Variants in MANSC4 observed in about 807,000 individuals in gnomAD.
MANSC4 encodes MANSC domain-containing protein 4.
Under a neutral mutation model 11.4 loss-of-function variants are expected in MANSC4, and 11 were observed. The ratio of observed to expected loss-of-function variants is 0.97; its 90% CI spans 0.61 to 1.60. MANSC4 has a LOEUF of 1.60. MANSC4 is among the 40% of genes most tolerant of loss of function. The pLI, the probability that MANSC4 is intolerant of heterozygous loss-of-function variation, is 0.00. For synonymous variants in MANSC4, 123 were observed against 147.1 expected, an observed-to-expected ratio of 0.84 and a Z score of 1.19; for missense variants, 354 against 404.6, an observed-to-expected ratio of 0.88 and a Z score of 1.07.
At chr12:27,776,233 CAG>C (rs2062119507) in intron 1 of MANSC4, among the ~76,000 whole-genome samples, 1 of 151,800 alleles carries the variant, frequency 6.6e-6, no homozygotes, top group Middle Eastern at 3.2e-3. Context: ...AATATAAAAA[CAG>C]TACTGTAATC....
chr12:27,767,336 C>CACA (rs1283085699), intron 2 of MANSC4, among the ~76,000 whole-genome samples: 5 of 152,144 alleles, frequency 3.3e-5, no homozygotes, highest in Non-Finnish European at 7.4e-5. Flanking sequence ...TTCCATCCCA[C>CACA]ACAGGATATT....
At chr12:27,763,723 G>A (rs1313940344) in intron 3 of MANSC4, among the ~76,000 whole-genome samples, 3 of 151,844 alleles carry the variant, frequency 2.0e-5, no homozygotes, top group East Asian at 3.9e-4. Flanking sequence ...ACAATATAGC[G>A]TTTATTATTT....
At chr12:27,770,019 A>G (rs1037900017) in intron 2 of MANSC4, among the ~76,000 whole-genome samples, 6 of 152,252 alleles carry the variant, frequency 3.9e-5, no homozygotes, top group Non-Finnish European at 8.8e-5. Flanking sequence ...GACAGACAAA[A>G]CATCTATGAG....
At chr12:27,763,638 CT>C (rs1384320770) in intron 3 of MANSC4, among the ~76,000 whole-genome samples, 13 of 152,034 alleles carry the variant, frequency 8.6e-5, no homozygotes, top group African/African-American at 3.1e-4. Context: ...AAGGAGAAGG[CT>C]TTGTGTCTGT....
chr12:27,764,232 G>C (rs1424000136), intron 3 of MANSC4, among the ~76,000 whole-genome samples: 1 of 152,094 alleles, frequency 6.6e-6, no homozygotes, highest in Non-Finnish European at 1.5e-5. Context: ...CTTTATAGGA[G>C]AAGAGAAAAA....
At chr12:27,767,510 C>T (rs1451722659) in intron 2 of MANSC4, among the ~76,000 whole-genome samples, 1 of 151,986 alleles carries the variant, frequency 6.6e-6, no homozygotes, top group East Asian at 1.9e-4. Context: ...TCCAGACCAG[C>T]CTGACCAACA....
rs961562833 is a variant in MANSC4 at position 27,766,129 on chromosome 12, G to A, written c.364+536C>T. Among the ~76,000 whole-genome samples the A allele has an allele frequency of 4.1e-4, 62 of 151,474 alleles. 1 individual carries two copies. The highest frequency in any genetic ancestry group is 1.2e-4 in the Non-Finnish European group (8 of 67,910). On this transcript the variant is annotated intron_variant, in intron 3 of 3. Transcript: ENST00000381273. ...TGTCACCATGCTGGAGTGCAGTGGC[G>A]TGATCTCGGCTCACTGCAATCTCCG...
Position 27,778,225 on chromosome 12 carries a change from C to CAA in MANSC4, c.-307+1983_-307+1984dup, listed in dbSNP as rs34172632. ...GGGCAACAAGAGGGAAACTCTGTCT[C>CAA]AAAAAAAAAAAAAAATGCATTTTTT... On this transcript the variant is annotated intron_variant, in intron 1 of 3. Transcript: ENST00000381273. Among the ~76,000 whole-genome samples the CAA allele has an allele frequency of 8.0e-3, 1,080 of 134,932 alleles. 8 individuals carry two copies. Among genetic ancestry groups the CAA allele is most frequent in the South Asian group, 0.015 (61 of 4,086 alleles). The allele number at this position is 134,932 out of a possible 152,430, so 88.5% of individuals were successfully genotyped here. A position where few individuals can be genotyped will look rare whatever the true frequency, so the allele number is the denominator to read the frequency against.
Position 27,775,044 on chromosome 12 carries a change from T to A in MANSC4, c.-306-3462A>T, listed in dbSNP as rs904511523. The stretch of plus-strand genomic sequence containing the variant: ...GTCTCAAAATAAATAAATAAATAAA[T>A]AAATAAATAAATAAATAAATAAATA... On this transcript the variant is annotated intron_variant, in intron 1 of 3. Transcript: ENST00000381273. Among the ~76,000 whole-genome samples, 4 of 139,434 alleles carry A rather than the reference T, an allele frequency of 2.9e-5. No homozygotes were observed. In the South Asian group the frequency reaches 8.4e-4, roughly 29 times the overall value. The allele number at this position is 139,434 out of a possible 152,430, so 91.5% of individuals were successfully genotyped here.
intron 2 of MANSC4, among the ~76,000 whole-genome samples, chr12:27,768,683 G>A (rs185865942): frequency 1.3e-5 from 2 of 150,594 alleles, no homozygotes; most frequent in African/African-American, 4.9e-5. Flanking sequence ...CTGGAGTGAA[G>A]TGGCACAATC....
intron 1 of MANSC4, among the ~76,000 whole-genome samples, chr12:27,775,024 AAAATAAATAAATAAAT>A (rs71039849): frequency 1.6e-3 from 181 of 112,804 alleles, no homozygotes; most frequent in African/African-American, 4.6e-3. Context: ...ATTCCGTCTC[AAAATAAATAAATAAAT>A]AAATAAATAA....
rs570887623 is a variant in MANSC4, at chr12:27,765,026, G to A, written c.365-1630C>T. 1.6e-4 allele frequency among the ~76,000 whole-genome samples: 25 copies of A among 151,576 alleles called. No individual in the cohort carries two copies. The East Asian group carries it at 4.3e-3, about 26-fold the overall frequency. ...CTGGCTAATTTTTTTTGTAGAGATGGGGGTCTCTCTGTGTTGTTCAGGTTG... is the reference window on the plus strand; with the variant it reads ...CTGGCTAATTTTTTTTGTAGAGATGAGGGTCTCTCTGTGTTGTTCAGGTTG... On this transcript the variant is annotated intron_variant, in intron 3 of 3. Coordinates refer to ENST00000381273, the MANE Select transcript of MANSC4 (RefSeq NM_001146221.5).
chr12:27,768,005 G>A (rs1201415252), intron 2 of MANSC4, among the ~76,000 whole-genome samples: 4 of 152,180 alleles, frequency 2.6e-5, no homozygotes, highest in Non-Finnish European at 5.9e-5. Context: ...AAGAGGCAGG[G>A]ACTGGACAGG....
intron 1 of MANSC4, among the ~76,000 whole-genome samples, chr12:27,778,925 G>A (rs550367999): frequency 1.3e-5 from 2 of 152,204 alleles, no homozygotes; most frequent in African/African-American, 4.8e-5. Context: ...CTGGAGTGCA[G>A]TGGCGCGATC....
At position 27,763,000 on chromosome 12, in the gene MANSC4, C is replaced by T. The variant is rs1030528757; in HGVS notation, c.761G>A (p.Ser254Asn). The T allele has an allele frequency of 2.6e-6, 4 of 1,551,628 alleles. No homozygotes were observed. Among genetic ancestry groups the T allele is most frequent in the South Asian group, 1.2e-5 (1 of 84,066 alleles). ...GGTTTTGTTTAGTAATTGTTTGCTA[C>T]TGTTGAGTCCAGGTGGAACAGGCAT... is the stretch of plus-strand genomic sequence containing the variant. ...SHMPVPPGLN[S>N]SKQLLNKTKG... The change falls in exon 4 of 4, where the codon AGT (serine) becomes AAT (asparagine). Residue 254 changes from serine (S) to asparagine (N), a missense_variant. Ser to Asn is a conservative substitution (Grantham distance 46). Transcript: ENST00000381273.
intron 2 of MANSC4, among the ~76,000 whole-genome samples, chr12:27,770,486 C>T (rs2062096132): frequency 6.6e-6 from 1 of 151,706 alleles, no homozygotes; most frequent in African/African-American, 2.4e-5. Context: ...TGGCCCAGCA[C>T]ATTAAAAAAA....
rs1485214796 is a variant in MANSC4 at position 27,766,768 on chromosome 12, A to G, written c.261T>C (p.Ser87=). 1 of 1,551,702 alleles carries G rather than the reference A, an allele frequency of 6.4e-7. No individual in the cohort carries two copies. The change falls in exon 3 of 4, where the codon AGT becomes AGC. Residue 87 remains serine, a synonymous_variant. Coordinates refer to ENST00000381273, the MANE Select transcript of MANSC4 (RefSeq NM_001146221.5). ...GGCAGTTGATATTGTCATGAATAGG[A>G]CTGTGGTAGAAGACAGCCAGGTTAC... is the stretch of plus-strand genomic sequence containing the variant. ...VSCNLAVFYH[S]PIHDNINCLH...
rs192995722 is a variant in MANSC4, at chr12:27,766,827, T to C, written c.230-28A>G. 165 of 1,547,104 alleles carry C rather than the reference T, an allele frequency of 1.1e-4. No homozygotes were observed. The East Asian group carries it at 3.6e-3, about 34-fold the overall frequency. On this transcript the variant is annotated intron_variant, in intron 2 of 3. Coordinates refer to ENST00000381273, the MANE Select transcript of MANSC4 (RefSeq NM_001146221.5). ...GAAAGGGAAACAAGCGAAGTACATC[T>C]GCAGATGGTCTCAATTTGCACCAAT...
rs2062051341 is a variant in MANSC4, at chr12:27,762,507, C to CT, written c.*230dup. ...CAGGTGCATCATATCGCCCCATGTG[C>CT]TTTTTTTAAATTATTTTTCATTTTA... On this transcript the variant is annotated 3_prime_UTR_variant, in exon 4 of 4. Coordinates refer to ENST00000381273, the MANE Select transcript of MANSC4 (RefSeq NM_001146221.5). Among the ~76,000 whole-genome samples the CT allele has an allele frequency of 6.6e-6, 1 of 151,652 alleles. No homozygotes were observed. Among genetic ancestry groups the CT allele is most frequent in the Admixed American group, 6.6e-5 (1 of 15,142 alleles).
Sources: allele counts gnomAD v4.1 joint callset (sites outside exome capture counted in the v4.1 genomes callset), GRCh38; gene constraint gnomAD v4.1.1; transcripts MANE v1.5; gene names NCBI Gene and HGNC (gene_info 2026-07-23, HGNC 2026-07-21).